RBL2: variants seen among roughly 807,000 people sequenced by gnomAD.
RBL2 encodes retinoblastoma-like protein 2.
In RBL2, 56 loss-of-function variants were observed where a neutral mutation model predicts 126.0. The ratio of observed to expected loss-of-function variants is 0.44; its 90% CI spans 0.36 to 0.56. The LOEUF is 0.56. RBL2 is among the 20% of genes least tolerant of loss of function. The probability of loss-of-function intolerance (pLI) is 0.00; values close to 1 mark genes in which losing one functional copy is unlikely to be tolerated. For missense variants in RBL2, 1,229 were observed against 1,398.2 expected (o/e 0.88, Z 1.93); for synonymous variants, 454 against 478.5 (o/e 0.95, Z 0.67).
chr16:53,456,941 T>G (rs1012032821), intron 8 of RBL2, among the ~76,000 whole-genome samples: 1 of 152,084 alleles, frequency 6.6e-6, no homozygotes, highest in Non-Finnish European at 1.5e-5. Context: ...GTAGAAAGAA[T>G]TGTTTATTAC....
At chr16:53,459,705 C>A in intron 9 of RBL2, 88 bp downstream of exon 9, 1 of 1,267,228 alleles carries the variant, frequency 7.9e-7, no homozygotes, top group Non-Finnish European at 1.1e-6. Flanking sequence ...CCTTAATTCA[C>A]CCATGAATAA....
At chr16:53,475,940 T>C (rs1387222289) in intron 17 of RBL2, among the ~76,000 whole-genome samples, 2 of 143,888 alleles carry the variant, frequency 1.4e-5, no homozygotes, top group Non-Finnish European at 3.0e-5. Context: ...TAAGTGATCC[T>C]CTTCCCTAAG....
In RBL2 at chr16:53,442,754, C is replaced by A. The variant is rs1223588957; in HGVS notation, c.468C>A (p.Phe156Leu). The A allele has an allele frequency of 6.2e-7, 1 of 1,612,160 alleles. No homozygotes were observed. The highest frequency in any genetic ancestry group is 8.5e-7 in the Non-Finnish European group (1 of 1,178,408). The change falls in exon 3 of 22, where the codon TTC becomes TTA. Residue 156 changes from phenylalanine to leucine, a missense_variant. Coordinates refer to ENST00000262133, the MANE Select transcript of RBL2 (RefSeq NM_005611.4). ...RERTERLERN[F>L]TVSAVIFKKY... ...GTACTGAGAGATTAGAAAGAAACTTCACTGTTTCTGCTGTAATTTTTAAGA... is the reference window on the plus strand; with the variant it reads ...GTACTGAGAGATTAGAAAGAAACTTAACTGTTTCTGCTGTAATTTTTAAGA...
At chr16:53,483,544 G>GA (rs968698693) in intron 21 of RBL2, among the ~76,000 whole-genome samples, 2 of 149,480 alleles carry the variant, frequency 1.3e-5, no homozygotes, top group African/African-American at 4.9e-5. Context: ...TGTCTGTTTG[G>GA]AAAAAAAAGT....
At chr16:53,435,891 AG>A in intron 1 of RBL2, 6 of 777,064 alleles carry the variant, frequency 7.7e-6, no homozygotes, top group Non-Finnish European at 1.1e-5. Flanking sequence ...TGGTGGCTTT[AG>A]AACCCGACAG....
At chr16:53,481,949 A>T in intron 21 of RBL2, 114 bp downstream of exon 21, 3 of 1,167,834 alleles carry the variant, frequency 2.6e-6, no homozygotes, top group Non-Finnish European at 1.2e-6. Context: ...GCCAGGGAGC[A>T]GTGATCAGTC....
Position 53,480,678 on chromosome 16 carries a change from A to C in RBL2, c.2993A>C (p.Glu998Ala), listed in dbSNP as rs760753786. The change falls in exon 20 of 22, where the codon GAA becomes GCA. Residue 998 changes from glutamate (E) to alanine (A), a missense_variant. Physicochemically the swap from Glu to Ala is moderately radical, Grantham distance 107. Around this residue, in one of 2 missense-constraint regions of RBL2, gnomAD observed 1,070 missense variants for 1,274.3 expected, o/e 0.84. Transcript: ENST00000262133. The stretch of plus-strand genomic sequence containing the variant: ...CTCACAGGTGCCAACAGTGACATGG[A>C]AGAAGAGGAGAGGGGAGACCTCATT... ...TRLTGANSDM[E>A]EEERGDLIQF... The C allele has an allele frequency of 6.2e-7, 1 of 1,613,970 alleles. No homozygotes were observed. Among genetic ancestry groups the C allele is most frequent in the Non-Finnish European group, 8.5e-7 (1 of 1,180,004 alleles).
chr16:53,476,507 T>C (rs1016281852), intron 17 of RBL2, among the ~76,000 whole-genome samples: 13 of 152,328 alleles, frequency 8.5e-5, no homozygotes, highest in African/African-American at 3.1e-4. Flanking sequence ...GGTCTAATTG[T>C]TTTATATTGT....
At chr16:53,446,105 T>C (rs2058059800) in intron 3 of RBL2, among the ~76,000 whole-genome samples, 1 of 152,118 alleles carries the variant, frequency 6.6e-6, no homozygotes, top group Non-Finnish European at 1.5e-5. Flanking sequence ...AATTCTCAAG[T>C]TGTAGAGCCA....
chr16:53,445,853 A>G (rs998912343), intron 3 of RBL2: 3 of 152,224 alleles, frequency 2.0e-5, no homozygotes, highest in Non-Finnish European at 2.9e-5. Context: ...GTGTGTTATA[A>G]AAGTCCCATG....
chr16:53,473,478 G>T (rs1397390435), intron 17 of RBL2, among the ~76,000 whole-genome samples: 2 of 150,858 alleles, frequency 1.3e-5, no homozygotes, highest in Non-Finnish European at 2.9e-5. Flanking sequence ...TTCATTGCAA[G>T]TGTATAGAAA....
chr16:53,481,937 C>A, intron 21 of RBL2, 102 bp downstream of exon 21: 1 of 1,350,636 alleles, frequency 7.4e-7, no homozygotes, highest in Non-Finnish European at 1.0e-6. Context: ...GTGATGAGAG[C>A]TGCCAGGGAG....
At chr16:53,461,490 T>A (rs1166603019) in intron 9 of RBL2, among the ~76,000 whole-genome samples, 1 of 150,408 alleles carries the variant, frequency 6.6e-6, no homozygotes, top group East Asian at 1.9e-4. Context: ...AGACTCTGTC[T>A]CAAAAAAAAT....
At position 53,439,006 on chromosome 16, in the gene RBL2, T is replaced by C; in HGVS notation, c.241-10T>C. 4 of 1,539,450 alleles carry C rather than the reference T, an allele frequency of 2.6e-6. No individual in the cohort carries two copies. The highest frequency in any genetic ancestry group is 3.5e-6 in the Non-Finnish European group (4 of 1,145,928). On this transcript the variant is annotated splice_polypyrimidine_tract_variant and intron_variant, in intron 1 of 21. Coordinates refer to ENST00000262133, the MANE Select transcript of RBL2 (RefSeq NM_005611.4). ...TTTTAACTAAAAATCAATTTTCTTT[T>C]CTTTTACAGGGAAATGATCTTCATT...
In RBL2 at chr16:53,451,696, C is replaced by T. The variant is rs1033432463; in HGVS notation, c.638-7C>T. 6.2e-7 allele frequency: 1 copy of T among 1,611,800 alleles called. No homozygotes were observed. Among genetic ancestry groups the T allele is most frequent in the African/African-American group, 1.3e-5 (1 of 74,822 alleles). ...ATTTAACTCTGTAACTGCTTATAAT[C>T]CTGCAGGTAATTTCCCCATGATTAG... is the stretch of plus-strand genomic sequence containing the variant. On this transcript the variant is annotated splice_region_variant and splice_polypyrimidine_tract_variant and intron_variant, in intron 4 of 21. Coordinates refer to ENST00000262133, the MANE Select transcript of RBL2 (RefSeq NM_005611.4).
In RBL2 at chr16:53,480,513, AAC is replaced by A. The variant is rs764827627; in HGVS notation, c.2882-52_2882-51del. 3.5e-5 allele frequency: 52 copies of A among 1,481,058 alleles called. 1 individual carries two copies. Among genetic ancestry groups the A allele is most frequent in the South Asian group, 2.4e-4 (19 of 79,324 alleles). The allele number at this position is 1,481,058 out of a possible 1,614,324, so 91.7% of individuals were successfully genotyped here. On this transcript the variant is annotated intron_variant, in intron 19 of 21. Transcript: ENST00000262133. ...CTTTCTCCTACTTTTAAAAAATTAA[AAC>A]AGTCAATATTAGCAGCCTTTGTACT...
Position 53,479,026 on chromosome 16 carries a change from T to C in RBL2, c.2704-128T>C, listed in dbSNP as rs577833060. On this transcript the variant is annotated intron_variant, in intron 17 of 21. Coordinates refer to ENST00000262133, the MANE Select transcript of RBL2 (RefSeq NM_005611.4). ...CATTTGCTATATGCCGTTAATACCA[T>C]TTCCAGAGACTTTAAATAGCTTTTA... 132 of 720,464 alleles carry C rather than the reference T, an allele frequency of 1.8e-4. 1 individual carries two copies. In the African/African-American group the frequency reaches 2.3e-3, roughly 12 times the overall value. The allele number at this position is 720,464 out of a possible 1,614,324, so 44.6% of individuals were successfully genotyped here.
At chr16:53,477,057 T>TG (rs1555569520) in intron 17 of RBL2, among the ~76,000 whole-genome samples, 1 of 150,942 alleles carries the variant, frequency 6.6e-6, no homozygotes, top group African/African-American at 2.4e-5. Flanking sequence ...TGGTTTCATT[T>TG]TGTGTGTGTG....
At chr16:53,449,285 G>A (rs2058090977) in intron 4 of RBL2, 2 of 151,590 alleles carry the variant, frequency 1.3e-5, no homozygotes, top group Non-Finnish European at 1.5e-5. Flanking sequence ...AAATATAGTT[G>A]GTACTATATA....
Sources: gnomAD v4.1 joint callset for allele counts (sites outside exome capture counted in the v4.1 genomes callset) on GRCh38, gnomAD v4.1.1 for gene constraint, gnomAD v4.1.1 regional missense constraint, MANE v1.5 for transcripts, NCBI Gene and HGNC (gene_info 2026-07-23, HGNC 2026-07-21) for gene names.